Variants in SLC2A14 observed in about 807,000 individuals in gnomAD.
SLC2A14 encodes the protein solute carrier family 2 member 14, also known as solute carrier family 2, facilitated glucose transporter member 14.
SLC2A14 carries 13 observed loss-of-function variants against 43.0 expected under a neutral mutation model. The observed-to-expected ratio is 0.30, with a 90% confidence interval of 0.20 to 0.48. The LOEUF (loss-of-function observed/expected upper bound fraction) is 0.48. Ranked by LOEUF, SLC2A14 falls within the 20% of genes least tolerant of loss-of-function variation. The pLI is 0.99. For synonymous variants in SLC2A14, 190 were observed against 233.8 expected, an observed-to-expected ratio of 0.81 and a Z score of 1.71; for missense variants, 428 against 620.4, an observed-to-expected ratio of 0.69 and a Z score of 3.29.
At chr12:7,819,698 T>C in intron 8 of SLC2A14, 115 bp from the exon 9 acceptor site, 1 of 908,628 alleles carries the variant, frequency 1.1e-6, no homozygotes, top group Non-Finnish European at 1.6e-6. Flanking sequence ...ACCCCTCCTG[T>C]GATTTATGAT....
intron 2 of SLC2A14, among the ~76,000 whole-genome samples, chr12:7,837,579 A>C (rs11056043): frequency 6.7e-6 from 1 of 148,854 alleles, no homozygotes; most frequent in Non-Finnish European, 1.5e-5. Flanking sequence ...CGGAGGTTGC[A>C]GTCAGCCGAG....
chr12:7,866,043 C>T (rs1317202966), intron 2 of SLC2A14, among the ~76,000 whole-genome samples: 1 of 151,704 alleles, frequency 6.6e-6, no homozygotes, highest in Non-Finnish European at 1.5e-5. Flanking sequence ...ATGGCAAAAC[C>T]CTGTCTCTAC....
At chr12:7,882,515 CCT>C (rs1248590531) in intron 1 of SLC2A14, among the ~76,000 whole-genome samples, 7 of 151,958 alleles carry the variant, frequency 4.6e-5, no homozygotes, top group African/African-American at 1.5e-4. Context: ...GCGAAACTTA[CCT>C]CTCAAAGAAA....
At chr12:7,842,446 C>A (rs1866036077) in intron 2 of SLC2A14, among the ~76,000 whole-genome samples, 1 of 152,226 alleles carries the variant, frequency 6.6e-6, no homozygotes, top group Admixed American at 6.5e-5. Flanking sequence ...TTCACTTGAT[C>A]TTAGCCAAAA....
chr12:7,870,811 C>G, intron 1 of SLC2A14: 1 of 1,158,248 alleles, frequency 8.6e-7, no homozygotes, highest in Non-Finnish European at 1.1e-6. Flanking sequence ...GTCAGCCCAG[C>G]TCCAAGAACC....
chr12:7,826,885 C>CCT (rs1864454514), intron 7 of SLC2A14, among the ~76,000 whole-genome samples: 1 of 57,396 alleles, frequency 1.7e-5, no homozygotes, highest in African/African-American at 1.0e-4. Context: ...TTCTTTCTTT[C>CCT]TTTCTTTCTT....
At chr12:7,851,072 A>G (rs778317459) in intron 2 of SLC2A14, among the ~76,000 whole-genome samples, 1 of 152,314 alleles carries the variant, frequency 6.6e-6, no homozygotes, top group Admixed American at 6.5e-5. Context: ...ATTTTCTGCA[A>G]GCAATCTTCC....
chr12:7,816,106 TA>T (rs879478293), intron 10 of SLC2A14, among the ~76,000 whole-genome samples: 2,500 of 110,770 alleles, frequency 0.023, 634 homozygotes, highest in African/African-American at 0.089. Context: ...TTATTTTTTT[TA>T]TTTTTTTTGA....
intron 7 of SLC2A14, among the ~76,000 whole-genome samples, chr12:7,825,472 A>G (rs1043522237): frequency 2.6e-5 from 3 of 116,312 alleles, no homozygotes; most frequent in African/African-American, 9.9e-5. Flanking sequence ...AAAAAAAAAA[A>G]GAAAGAGCAA....
At position 7,839,833 on chromosome 12, in the gene SLC2A14, G is replaced by T. The variant is rs1451423423; in HGVS notation, c.19-7019C>A. ...TCATGCCTGTAATCTCAGCACTTTTGGAGGTCAAGGCGGGAGGATCGCTTG... is the reference window on the plus strand; with the variant it reads ...TCATGCCTGTAATCTCAGCACTTTTTGAGGTCAAGGCGGGAGGATCGCTTG... On this transcript the variant is annotated intron_variant, in intron 2 of 10. Transcript: ENST00000431042. 12 of 446,378 alleles carry T rather than the reference G, an allele frequency of 2.7e-5. 1 individual carries two copies. Among genetic ancestry groups the T allele is most frequent in the Non-Finnish European group, 5.3e-5 (12 of 225,556 alleles). 27.7% of individuals were successfully genotyped at this position (446,378 alleles called of 1,614,324 possible).
At chr12:7,856,557 C>T (rs7970664) in intron 2 of SLC2A14, 15,957 of 152,156 alleles carry the variant, frequency 0.1, 1,020 homozygotes, top group Middle Eastern at 0.16. Context: ...TATCTCTAAC[C>T]CATGTTAAAC....
At position 7,814,529 on chromosome 12, in the gene SLC2A14, A is replaced by G. The variant is rs775394972; in HGVS notation, c.1281T>C (p.Tyr427=). The change falls in exon 11 of 11, where the codon TAT becomes TAC. Residue 427 remains tyrosine (Y), a synonymous_variant. Transcript: ENST00000431042. ...AGATAATAAAAACGTAGGCTCCTAAATAGTACTAGTGAAAGGACAGAAAAA... is the reference window on the plus strand; with the variant it reads ...AGATAATAAAAACGTAGGCTCCTAAGTAGTACTAGTGAAAGGACAGAAAAA... The part of the protein sequence containing the change: ...VGLLFPSAAY[Y]LGAYVFIIFT... 26 of 1,612,958 alleles carry G rather than the reference A, an allele frequency of 1.6e-5. No homozygotes were observed. The South Asian group carries it at 2.7e-4, about 17-fold the overall frequency.
intron 2 of SLC2A14, among the ~76,000 whole-genome samples, chr12:7,837,449 G>C (rs1046365143): frequency 2.6e-5 from 4 of 152,012 alleles, no homozygotes; most frequent in Admixed American, 6.6e-5. Flanking sequence ...AGACCAGCCT[G>C]ACCAACATGG....
At chr12:7,825,422 T>G (rs1356525513) in intron 7 of SLC2A14, among the ~76,000 whole-genome samples, 1 of 139,740 alleles carries the variant, frequency 7.2e-6, no homozygotes, top group Non-Finnish European at 1.5e-5. Context: ...ATTGCGCTAC[T>G]GCACTCTAGC....
chr12:7,856,191 C>T (rs1867356896), intron 2 of SLC2A14: 2 of 152,102 alleles, frequency 1.3e-5, no homozygotes, highest in African/African-American at 4.8e-5. Flanking sequence ...TGGTGCGTGC[C>T]TATAATCCCA....
intron 7 of SLC2A14, among the ~76,000 whole-genome samples, chr12:7,826,853 C>CCTTCCTTCCTTT (rs139542085): frequency 0.22 from 7,441 of 33,626 alleles, 1,159 homozygotes; most frequent in South Asian, 0.35. Context: ...TTCCTTCCTT[C>CCTTCCTTCCTTT]CTTTCTTTTT....
Position 7,817,971 on chromosome 12 carries a change from C to T in SLC2A14, c.1135G>A (p.Glu379Lys), listed in dbSNP as rs1255304773. ...CAGGGAATGGGGCCTGGTCCAATTT[C>T]AAAACAGGCCACAAAGACCAAGATA... ...GAILVFVACF[E>K]IGPGPIPWFI... Residue 379 changes from glutamate to lysine, a missense_variant, in exon 10 of 11, where the codon GAA becomes AAA. Around this residue, in one of 4 missense-constraint regions of SLC2A14, gnomAD observed 119 missense variants for 188.7 expected, o/e 0.63. Transcript: ENST00000431042. The T allele has an allele frequency of 2.5e-6, 4 of 1,613,926 alleles. No individual in the cohort carries two copies. Among genetic ancestry groups the T allele is most frequent in the Middle Eastern group, 1.6e-4 (1 of 6,084 alleles).
intron 2 of SLC2A14, among the ~76,000 whole-genome samples, chr12:7,863,111 T>G (rs1355140447): frequency 6.6e-6 from 1 of 152,144 alleles, no homozygotes; most frequent in African/African-American, 2.4e-5. Context: ...ATGTCCACGT[T>G]GCTTTTATGA....
At chr12:7,859,178 C>T (rs1944409139) in intron 2 of SLC2A14, among the ~76,000 whole-genome samples, 1 of 152,076 alleles carries the variant, frequency 6.6e-6, no homozygotes, top group Admixed American at 6.6e-5. Flanking sequence ...CACCTGAGGT[C>T]AGGAGTTGGA....
Sources: gnomAD v4.1 joint callset for allele counts (sites outside exome capture counted in the v4.1 genomes callset) on GRCh38, gnomAD v4.1.1 for gene constraint, gnomAD v4.1.1 regional missense constraint, MANE v1.5 for transcripts, NCBI Gene and HGNC (gene_info 2026-07-23, HGNC 2026-07-21) for gene names.